Variants in CFAP47 observed in about 807,000 individuals in gnomAD.
The protein encoded by CFAP47 is cilia- and flagella-associated protein 47.
Under a neutral mutation model 148.1 loss-of-function variants are expected in CFAP47, and 29 were observed. The ratio of observed to expected loss-of-function variants is 0.20; its 90% CI spans 0.15 to 0.27. The LOEUF (loss-of-function observed/expected upper bound fraction) is 0.27. CFAP47 is among the 10% of genes least tolerant of loss of function. The probability of loss-of-function intolerance (pLI) is 1.00; values close to 1 mark genes in which losing one functional copy is unlikely to be tolerated. For synonymous variants in CFAP47, 664 were observed against 577.3 expected (o/e 1.15, Z -2.15); for missense variants, 1,872 against 1,697.5 (o/e 1.10, Z -1.81).
At chrX:36,073,537 C>G (rs1193032803) in intron 29 of CFAP47, among the ~76,000 whole-genome samples, 173 bp downstream of exon 29, 1 of 111,184 alleles carries the variant, frequency 9.0e-6, no homozygotes, top group Non-Finnish European at 1.9e-5. Flanking sequence ...TAAAATGATG[C>G]AAACACAAAT....
chrX:35,987,957 A>T (rs957472084), intron 15 of CFAP47, among the ~76,000 whole-genome samples: 1 of 110,532 alleles, frequency 9.0e-6, no homozygotes, highest in South Asian at 4.0e-4. Flanking sequence ...AACCAGTCCC[A>T]ATGAGATGAA....
intron 40 of CFAP47, among the ~76,000 whole-genome samples, chrX:36,183,835 G>A (rs1939777062): frequency 9.0e-6 from 1 of 111,543 alleles, no homozygotes; most frequent in African/African-American, 3.3e-5. Context: ...ACTGATTTTA[G>A]CCAAACCTTG....
intron 16 of CFAP47, among the ~76,000 whole-genome samples, chrX:35,990,618 T>C (rs1476816694): frequency 9.0e-6 from 1 of 111,461 alleles, no homozygotes; most frequent in Non-Finnish European, 1.9e-5. Context: ...TTTCCATACT[T>C]AGGTGAGCCT....
At chrX:35,971,839 A>G (rs780774648) in intron 12 of CFAP47, 30 bp from the exon 13 acceptor site, 2 of 1,185,471 alleles carry the variant, frequency 1.7e-6, no homozygotes, top group African/African-American at 1.8e-5. Context: ...CTAATAATGA[A>G]TAATTCTGGA....
intron 44 of CFAP47, among the ~76,000 whole-genome samples, chrX:36,202,282 C>G (rs915679812): frequency 5.4e-5 from 6 of 111,427 alleles, no homozygotes; most frequent in African/African-American, 1.6e-4. Flanking sequence ...TAAACGCAAG[C>G]CTGCTCATGT....
intron 46 of CFAP47, among the ~76,000 whole-genome samples, chrX:36,232,289 G>C (rs2146904887): frequency 8.9e-6 from 1 of 111,895 alleles, no homozygotes; most frequent in South Asian, 3.7e-4. Context: ...CACAATTTCA[G>C]AGCCTGTTAT....
chrX:36,193,966 G>T (rs1420866580), intron 42 of CFAP47, among the ~76,000 whole-genome samples: 3 of 111,242 alleles, frequency 2.7e-5, no homozygotes, highest in African/African-American at 9.8e-5. Context: ...CAACATTTTA[G>T]CTCTAGGGAA....
intron 22 of CFAP47, among the ~76,000 whole-genome samples, chrX:36,025,325 TG>T: frequency 9.0e-6 from 1 of 111,428 alleles, no homozygotes; most frequent in African/African-American, 3.3e-5. Context: ...ATCTTATTAA[TG>T]TTGACTTAAA....
chrX:36,311,550 A>G (rs781874977), intron 56 of CFAP47, among the ~76,000 whole-genome samples: 1 of 111,214 alleles, frequency 9.0e-6, no homozygotes, highest in African/African-American at 3.2e-5. Context: ...CACATTTTCA[A>G]TCTAATATTG....
At chrX:35,993,007 A>T (rs1439348727) in intron 17 of CFAP47, among the ~76,000 whole-genome samples, 183 bp from the exon 18 acceptor site, 1 of 111,685 alleles carries the variant, frequency 9.0e-6, no homozygotes, top group Non-Finnish European at 1.9e-5. Context: ...ATAGGGTTGC[A>T]GTTTCTTGTT....
At chrX:36,050,730 C>T (rs776866572) in intron 26 of CFAP47, among the ~76,000 whole-genome samples, 93 of 112,204 alleles carry the variant, frequency 8.3e-4, no homozygotes, top group African/African-American at 3.0e-3. Context: ...ATGTTGATCA[C>T]CAAGACAATG....
intron 26 of CFAP47, among the ~76,000 whole-genome samples, chrX:36,053,973 C>A (rs1350581950): frequency 8.9e-6 from 1 of 112,481 alleles, no homozygotes. Flanking sequence ...TTTTTCTTTT[C>A]TCTAACCCCA....
intron 62 of CFAP47, among the ~76,000 whole-genome samples, chrX:36,372,053 T>A (rs1370899607): frequency 1.9e-5 from 2 of 105,922 alleles, no homozygotes; most frequent in Non-Finnish European, 3.9e-5. Context: ...TATATATATA[T>A]AAACACACAG....
chrX:36,251,096 A>G (rs782193112), intron 48 of CFAP47, among the ~76,000 whole-genome samples: 111 of 111,100 alleles, frequency 1.0e-3, no homozygotes, highest in African/African-American at 3.6e-3. Context: ...TTTGTTTTGT[A>G]AGAATAATTT....
intron 62 of CFAP47, 21 bp downstream of exon 62, chrX:36,367,148 A>G: frequency 9.5e-7 from 1 of 1,056,070 alleles, no homozygotes; most frequent in East Asian, 3.4e-5. Flanking sequence ...AAACAAAAGT[A>G]TGTAGCTGTT....
chrX:36,144,695 G>A (rs764966292), intron 35 of CFAP47: 1 of 1,026,468 alleles, frequency 9.7e-7, no homozygotes, highest in Non-Finnish European at 1.3e-6. Flanking sequence ...AGAAGAAGGG[G>A]GATATTCAGT....
intron 27 of CFAP47, among the ~76,000 whole-genome samples, chrX:36,068,684 G>A (rs1384221865): frequency 1.9e-5 from 2 of 107,660 alleles, no homozygotes; most frequent in Non-Finnish European, 3.8e-5. Context: ...TTGGCCGGGC[G>A]CAGGGGCTCA....
At chrX:35,923,824 A>G (rs891602654) in intron 1 of CFAP47, among the ~76,000 whole-genome samples, 6 of 97,488 alleles carry the variant, frequency 6.2e-5, no homozygotes, top group African/African-American at 1.6e-4. Context: ...GTCTGAAAAA[A>G]AAAAGTGTAT....
intron 29 of CFAP47, among the ~76,000 whole-genome samples, chrX:36,078,840 C>T (rs1239184484): frequency 2.7e-5 from 3 of 111,238 alleles, no homozygotes; most frequent in African/African-American, 3.3e-5. Flanking sequence ...ATGTTTAGTG[C>T]TTCCTTCAGG....
Sources: gnomAD v4.1 joint callset for allele counts (sites outside exome capture counted in the v4.1 genomes callset) on GRCh38, gnomAD v4.1.1 for gene constraint, MANE v1.5 for transcripts, NCBI Gene and HGNC (gene_info 2026-07-23, HGNC 2026-07-21) for gene names.